Variants in WASF1 observed in about 807,000 individuals in gnomAD.
WASF1 encodes actin-binding protein WASF1.
WASF1 carries 7 observed loss-of-function variants against 50.5 expected under a neutral mutation model. That is an observed-to-expected ratio of 0.14 (90% CI 0.08 to 0.26). The LOEUF is 0.26. Among genes scored for constraint, WASF1 ranks in the 10% least tolerant of loss-of-function variants. The probability of loss-of-function intolerance (pLI) is 1.00; values close to 1 mark genes in which losing one functional copy is unlikely to be tolerated. For synonymous variants in WASF1, 205 were observed against 244.0 expected (o/e 0.84, Z 1.49); for missense variants, 470 against 694.7 (o/e 0.68, Z 3.64).
chr6:110,136,596 CTAA>C (rs1280119239), intron 3 of WASF1, among the ~76,000 whole-genome samples: 1 of 152,160 alleles, frequency 6.6e-6, no homozygotes, highest in Non-Finnish European at 1.5e-5. Context: ...TCCTCTATCT[CTAA>C]TAATATGGTT....
At chr6:110,141,923 C>T (rs921745598) in intron 3 of WASF1, among the ~76,000 whole-genome samples, 12 of 152,064 alleles carry the variant, frequency 7.9e-5, no homozygotes, top group South Asian at 2.1e-4. Flanking sequence ...AGGTGCGCAC[C>T]GCCACGCTCA....
At chr6:110,161,897 A>G (rs897344596) in intron 2 of WASF1, among the ~76,000 whole-genome samples, 4 of 151,522 alleles carry the variant, frequency 2.6e-5, no homozygotes, top group Non-Finnish European at 5.9e-5. Context: ...AAATAATATG[A>G]TTACCCACAT....
chr6:110,142,626 T>A (rs984909929), intron 3 of WASF1, among the ~76,000 whole-genome samples: 29 of 151,958 alleles, frequency 1.9e-4, no homozygotes, highest in South Asian at 8.3e-4. Context: ...AAAAGAATTT[T>A]AAAAAAATCA....
At chr6:110,100,758 C>A (rs1341255407) in intron 10 of WASF1, 79 bp from the exon 11 acceptor site, 5 of 1,320,420 alleles carry the variant, frequency 3.8e-6, no homozygotes, top group South Asian at 1.9e-5. Flanking sequence ...GGAATAAAAT[C>A]AAATACACAT....
chr6:110,137,135 A>T (rs945070244), intron 3 of WASF1, among the ~76,000 whole-genome samples: 1 of 152,170 alleles, frequency 6.6e-6, no homozygotes, highest in African/African-American at 2.4e-5. Context: ...ATTCCAGTTC[A>T]TATCTCTCTC....
intron 4 of WASF1, among the ~76,000 whole-genome samples, chr6:110,118,402 T>C (rs1773915165): frequency 7.6e-6 from 1 of 131,120 alleles, no homozygotes; most frequent in African/African-American, 2.9e-5. Context: ...TCCTAGTCTC[T>C]GATAAAACAG....
chr6:110,134,365 TGTAA>T (rs903095554), intron 3 of WASF1, among the ~76,000 whole-genome samples: 4 of 152,144 alleles, frequency 2.6e-5, no homozygotes, highest in South Asian at 4.1e-4. Flanking sequence ...ATCAATTGGC[TGTAA>T]GTATCTGACT....
intron 3 of WASF1, among the ~76,000 whole-genome samples, chr6:110,152,877 C>A (rs1483992986): frequency 2.0e-5 from 3 of 152,032 alleles, no homozygotes; most frequent in African/African-American, 7.2e-5. Context: ...CACAATCATC[C>A]CCCAAATTTT....
rs1776932518 is a variant in WASF1, at chr6:110,176,423, C to T, written c.-127+2175G>A. On this transcript the variant is annotated intron_variant, in intron 2 of 10. Transcript: ENST00000392589. ...ATAAATCAAAGACTACTAACATATA[C>T]ATTATTAAGTATCTAGTGCCAGTTC... Among the ~76,000 whole-genome samples, 2 of 151,678 alleles carry T rather than the reference C, an allele frequency of 1.3e-5. 1 individual carries two copies. Among genetic ancestry groups the T allele is most frequent in the South Asian group, 4.2e-4 (2 of 4,814 alleles).
chr6:110,132,571 C>T (rs998219039), intron 3 of WASF1, among the ~76,000 whole-genome samples: 1 of 151,708 alleles, frequency 6.6e-6, no homozygotes, highest in Non-Finnish European at 1.5e-5. Flanking sequence ...TGGGGGAACA[C>T]GTGGTATTTG....
intron 3 of WASF1, among the ~76,000 whole-genome samples, chr6:110,133,824 G>A (rs555364989): frequency 6.6e-6 from 1 of 152,166 alleles, no homozygotes; most frequent in African/African-American, 2.4e-5. Flanking sequence ...TCTGTGGGTT[G>A]TCTGTTTACT....
chr6:110,140,234 C>A (rs1291945315), intron 3 of WASF1, among the ~76,000 whole-genome samples: 3 of 152,198 alleles, frequency 2.0e-5, no homozygotes, highest in African/African-American at 7.2e-5. Flanking sequence ...GTCTGGAGAG[C>A]TTCCAGAGAG....
chr6:110,109,952 G>C (rs1305274835), intron 5 of WASF1, among the ~76,000 whole-genome samples: 1 of 152,118 alleles, frequency 6.6e-6, no homozygotes, highest in Non-Finnish European at 1.5e-5. Context: ...CAATGGCACA[G>C]AAGGTACAAT....
At chr6:110,135,452 C>T (rs1429959488) in intron 3 of WASF1, among the ~76,000 whole-genome samples, 6 of 152,226 alleles carry the variant, frequency 3.9e-5, no homozygotes, top group East Asian at 1.9e-4. Context: ...GTTTTTCCTA[C>T]ATTTATCATC....
chr6:110,102,425 G>T (rs76733017), intron 9 of WASF1, among the ~76,000 whole-genome samples: 3,088 of 151,328 alleles, frequency 0.02, 117 homozygotes, highest in African/African-American at 0.071. Flanking sequence ...GTGGTGCTTT[G>T]GTTTGTAATA....
intron 3 of WASF1, among the ~76,000 whole-genome samples, chr6:110,133,075 AG>A (rs1774767933): frequency 6.6e-6 from 1 of 151,662 alleles, no homozygotes; most frequent in African/African-American, 2.4e-5. Flanking sequence ...ACTGTATGTA[AG>A]GTAACTCCAG....
At chr6:110,103,245 C>A (rs1773172204) in intron 9 of WASF1, 133 bp downstream of exon 9, 1 of 877,456 alleles carries the variant, frequency 1.1e-6, no homozygotes, top group Non-Finnish European at 1.7e-6. Context: ...GGCTTTCATG[C>A]AACAATGGCA....
intron 3 of WASF1, among the ~76,000 whole-genome samples, chr6:110,136,568 A>G (rs776287537): frequency 2.6e-5 from 4 of 152,150 alleles, no homozygotes; most frequent in Non-Finnish European, 5.9e-5. Context: ...TATTAGGTAT[A>G]TTTACCATTA....
intron 3 of WASF1, among the ~76,000 whole-genome samples, chr6:110,136,766 T>TA (rs1345287134): frequency 3.9e-5 from 6 of 152,232 alleles, no homozygotes; most frequent in Non-Finnish European, 8.8e-5. Flanking sequence ...TTCTTTAACT[T>TA]AGTTTGTTAA....
Sources: allele counts gnomAD v4.1 joint callset (sites outside exome capture counted in the v4.1 genomes callset), GRCh38; gene constraint gnomAD v4.1.1; transcripts MANE v1.5; gene names NCBI Gene and HGNC (gene_info 2026-07-23, HGNC 2026-07-21).